DOCK3: variants seen among roughly 807,000 people sequenced by gnomAD.
DOCK3 encodes dedicator of cytokinesis protein 3.
A neutral mutation model predicts 265.6 loss-of-function variants in DOCK3; 60 were observed. The ratio of observed to expected loss-of-function variants is 0.23; its 90% CI spans 0.18 to 0.28. The LOEUF is 0.28. Among genes scored for constraint, DOCK3 ranks in the 10% least tolerant of loss-of-function variants. The probability of loss-of-function intolerance (pLI) is 1.00; values close to 1 mark genes in which losing one functional copy is unlikely to be tolerated. For synonymous variants in DOCK3, 881 were observed against 938.0 expected, an observed-to-expected ratio of 0.94 and a Z score of 1.11; for missense variants, 1,981 against 2,594.3, an observed-to-expected ratio of 0.76 and a Z score of 5.14.
Position 51,330,147 on chromosome 3 carries a change from G to A in DOCK3, c.3412G>A (p.Glu1138Lys), listed in dbSNP as rs772265748. 10 of 1,603,146 alleles carry A rather than the reference G, an allele frequency of 6.2e-6. No homozygotes were observed. Among genetic ancestry groups the A allele is most frequent in the African/African-American group, 5.4e-5 (4 of 74,736 alleles). ...CTCTGCTTCCTTCTAGGTGGAGGCC[G>A]AGTTGATTGACAAGCTGGACAGCAT... is the stretch of plus-strand genomic sequence containing the variant. Reference protein sequence around the residue: ...KNGNFKQVEAELIDKLDSMVS... With the variant: ...KNGNFKQVEAKLIDKLDSMVS... Residue 1138 changes from glutamate (E) to lysine (K), a missense_variant, in exon 33 of 53, where the codon GAG (glutamate) becomes AAG (lysine). By Grantham distance (56) the Glu-to-Lys change is moderately conservative. This residue lies in a region of DOCK3 where 1,357 missense variants were observed against 1,866.8 expected (regional missense o/e 0.73). Coordinates refer to ENST00000266037, the MANE Select transcript of DOCK3 (RefSeq NM_004947.5).
intron 38 of DOCK3, among the ~76,000 whole-genome samples, chr3:51,346,122 C>T (rs1386717483): frequency 6.6e-6 from 1 of 152,070 alleles, no homozygotes; most frequent in African/African-American, 2.4e-5. Context: ...TAATGACCCT[C>T]AATCTAACCA....
intron 5 of DOCK3, among the ~76,000 whole-genome samples, chr3:51,062,263 T>C (rs1462232795): frequency 1.3e-5 from 2 of 152,148 alleles, no homozygotes; most frequent in African/African-American, 4.8e-5. Flanking sequence ...CTTAAGGTGG[T>C]TTACAAAATC....
chr3:50,970,251 G>T (rs746946594), intron 5 of DOCK3, among the ~76,000 whole-genome samples: 2 of 152,076 alleles, frequency 1.3e-5, no homozygotes, highest in Non-Finnish European at 2.9e-5. Flanking sequence ...ACTTTAGATA[G>T]TTGGATGACT....
At chr3:51,377,393 G>T (rs978495711) in intron 51 of DOCK3, among the ~76,000 whole-genome samples, 3 of 152,238 alleles carry the variant, frequency 2.0e-5, no homozygotes, top group Non-Finnish European at 4.4e-5. Context: ...TCTCTTGTCT[G>T]TCAGGGTTCT....
At chr3:51,070,577 A>G (rs1349326536) in intron 6 of DOCK3, among the ~76,000 whole-genome samples, 1 of 152,202 alleles carries the variant, frequency 6.6e-6, no homozygotes, top group African/African-American at 2.4e-5. Context: ...ATTACTAATT[A>G]TATATTTTTA....
chr3:51,303,897 G>A (rs184656308), intron 27 of DOCK3, among the ~76,000 whole-genome samples: 12 of 151,334 alleles, frequency 7.9e-5, no homozygotes, highest in South Asian at 2.1e-4. Flanking sequence ...CAGGGGGCAC[G>A]GAATCTGGGA....
chr3:50,799,050 C>T (rs1334091998), intron 2 of DOCK3, among the ~76,000 whole-genome samples: 1 of 152,098 alleles, frequency 6.6e-6, no homozygotes, highest in East Asian at 1.9e-4. Context: ...GCATTAATTT[C>T]TGGGTTGTCT....
chr3:50,688,584 T>G (rs1408918836), intron 1 of DOCK3, among the ~76,000 whole-genome samples: 1 of 152,188 alleles, frequency 6.6e-6, no homozygotes, highest in African/African-American at 2.4e-5. Context: ...TGGCTCAGCC[T>G]CCTGAGTAGC....
At chr3:51,305,726 G>C (rs2082627038) in intron 27 of DOCK3, among the ~76,000 whole-genome samples, 1 of 41,564 alleles carries the variant, frequency 2.4e-5, no homozygotes, top group African/African-American at 9.8e-5. Context: ...CTGTGTGTGT[G>C]TGTGTGCGCG....
chr3:51,120,658 C>T (rs928288532), intron 9 of DOCK3, among the ~76,000 whole-genome samples: 1 of 152,274 alleles, frequency 6.6e-6, no homozygotes, highest in East Asian at 1.9e-4. Flanking sequence ...TCAGAGATGC[C>T]CTTCCCAGAG....
intron 4 of DOCK3, among the ~76,000 whole-genome samples, chr3:50,890,627 G>T (rs1379266094): frequency 6.6e-6 from 1 of 151,924 alleles, no homozygotes; most frequent in Non-Finnish European, 1.5e-5. Context: ...AAAATTCTTT[G>T]TCATGTTTAA....
At chr3:50,786,692 C>T in intron 2 of DOCK3, 1 of 655,440 alleles carries the variant, frequency 1.5e-6, no homozygotes, top group South Asian at 1.5e-5. Context: ...ACAGATTTCA[C>T]AGATAAAGGG....
At chr3:51,171,978 T>C (rs1328830138) in intron 12 of DOCK3, among the ~76,000 whole-genome samples, 1 of 152,192 alleles carries the variant, frequency 6.6e-6, no homozygotes, top group Non-Finnish European at 1.5e-5. Flanking sequence ...TGTAGAACTA[T>C]TAATATTTGC....
chr3:51,136,302 A>G (rs552892641), intron 9 of DOCK3, among the ~76,000 whole-genome samples: 23 of 150,348 alleles, frequency 1.5e-4, no homozygotes, highest in Admixed American at 1.5e-3. Flanking sequence ...ATCTCGGCTC[A>G]CTGCAGGCTC....
In DOCK3 at chr3:51,346,666, G is replaced by A. The variant is rs142954724; in HGVS notation, c.3916-2186G>A. Among the ~76,000 whole-genome samples, 273 of 152,218 alleles carry A rather than the reference G, an allele frequency of 1.8e-3. 2 individuals are homozygous for A. Among genetic ancestry groups the A allele is most frequent in the African/African-American group, 5.6e-3 (233 of 41,516 alleles). ...TGGGTATATACCCAGTAATGAGATC[G>A]CTGGGTCAAATGGTATTTCTAGTTC... On this transcript the variant is annotated intron_variant, in intron 38 of 52. Transcript: ENST00000266037.
intron 3 of DOCK3, among the ~76,000 whole-genome samples, chr3:50,856,825 C>A (rs528213167): frequency 5.3e-5 from 8 of 152,084 alleles, no homozygotes; most frequent in African/African-American, 1.7e-4. Flanking sequence ...GGTTTGTCAT[C>A]TATGGCTCTT....
chr3:50,886,441 G>A (rs1052275281), intron 3 of DOCK3, among the ~76,000 whole-genome samples: 2 of 151,158 alleles, frequency 1.3e-5, no homozygotes, highest in Admixed American at 1.3e-4. Context: ...AAGTTTTAGG[G>A]TACATGTGCA....
intron 2 of DOCK3, among the ~76,000 whole-genome samples, chr3:50,810,056 G>A (rs980512383): frequency 1.3e-5 from 2 of 152,128 alleles, no homozygotes; most frequent in Non-Finnish European, 2.9e-5. Context: ...GATTGCTTGA[G>A]CCCAGGAGTT....
At chr3:50,821,140 C>CTTTTTTTTTTTTTT (rs771111717) in intron 2 of DOCK3, among the ~76,000 whole-genome samples, 14 of 119,462 alleles carry the variant, frequency 1.2e-4, no homozygotes, top group African/African-American at 1.6e-4. Flanking sequence ...TTTCTTTTTT[C>CTTTTTTTTTTTTTT]TTTTTTTTTT....
Sources: allele counts gnomAD v4.1 joint callset (sites outside exome capture counted in the v4.1 genomes callset), GRCh38; gene constraint gnomAD v4.1.1; regional missense constraint gnomAD v4.1.1; transcripts MANE v1.5; gene names NCBI Gene and HGNC (gene_info 2026-07-23, HGNC 2026-07-21).